Variants in SCRIB observed in about 807,000 individuals in gnomAD.
The protein encoded by SCRIB is scribble planar cell polarity protein.
In SCRIB, 72 loss-of-function variants were observed where a neutral mutation model predicts 170.0. The ratio of observed to expected loss-of-function variants is 0.42; its 90% CI spans 0.35 to 0.52. The LOEUF is 0.52. Ranked by LOEUF, SCRIB falls within the 20% of genes least tolerant of loss-of-function variation. The pLI is 0.02. For missense variants in SCRIB, 2,475 were observed against 2,338.5 expected, an observed-to-expected ratio of 1.06 and a Z score of -1.20; for synonymous variants, 1,298 against 1,044.3, an observed-to-expected ratio of 1.24 and a Z score of -4.68.
intron 24 of SCRIB, among the ~76,000 whole-genome samples, chr8:143,800,894 C>T (rs1815146516): frequency 6.6e-6 from 1 of 152,198 alleles, no homozygotes; most frequent in African/African-American, 2.4e-5. Context: ...CATACATACA[C>T]GTACGTGAAA....
chr8:143,806,603 G>T, intron 17 of SCRIB, 119 bp from the exon 18 acceptor site: 1 of 807,150 alleles, frequency 1.2e-6, no homozygotes. Context: ...CTGGCCAGCA[G>T]GAGGACTGAG....
chr8:143,795,142 G>A (rs569636999), intron 26 of SCRIB, 30 bp from the exon 27 acceptor site: 1 of 1,606,548 alleles, frequency 6.2e-7, no homozygotes, highest in Admixed American at 1.7e-5. Context: ...AGCACTAGCA[G>A]GGGTAGCTCC....
At position 143,810,913 on chromosome 8, in the gene SCRIB, G is replaced by A. The variant is rs759193863; in HGVS notation, c.1266C>T (p.Pro422=). ...CGGTTGCCAACAACCTACCGAGGCT[G>A]GGTGGGGGCTGCTGGGGCAGCAAGT... ...TCYLLPQQPP[P]SLEDAGQQGS... is the part of the protein sequence containing the mutation. The change falls in exon 11 of 37, where the codon CCC becomes CCT. Residue 422 remains proline (P), a synonymous_variant. Coordinates refer to ENST00000356994, the MANE Select transcript of SCRIB (RefSeq NM_182706.5). 1.2e-6 allele frequency: 2 copies of A among 1,611,578 alleles called. No homozygotes were observed. Among genetic ancestry groups the A allele is most frequent in the Admixed American group, 1.7e-5 (1 of 60,004 alleles).
chr8:143,793,369 G>A (rs1814798459), intron 28 of SCRIB: 1 of 362,980 alleles, frequency 2.8e-6, no homozygotes, highest in Non-Finnish European at 4.9e-6. Flanking sequence ...GGCGGCGGGG[G>A]CAGAGGAGAG....
intron 21 of SCRIB, 22 bp from the exon 22 acceptor site, chr8:143,804,178 AGGACAGGCCTC>A: frequency 6.4e-7 from 1 of 1,555,314 alleles, no homozygotes. Flanking sequence ...GGGCGGGACA[AGGACAGGCCTC>A]GGTCAGGACA....
rs868990245 is a variant in SCRIB, at chr8:143,803,980, G to A, written c.3121-40C>T. The stretch of plus-strand genomic sequence containing the variant: ...GGTGGCAGCTGGTGGCTGAGGCCGC[G>A]CTGACCTGCGCTGGTACCTGGGATG... On this transcript the variant is annotated intron_variant, in intron 22 of 36. Coordinates refer to ENST00000356994, the MANE Select transcript of SCRIB (RefSeq NM_182706.5). 57 of 1,569,948 alleles carry A rather than the reference G, an allele frequency of 3.6e-5. 1 individual carries two copies. In the Middle Eastern group the frequency reaches 3.4e-3, roughly 93 times the overall value.
At position 143,792,078 on chromosome 8, in the gene SCRIB, G is replaced by A; in HGVS notation, c.4570C>T (p.Gln1524Ter). 6.3e-7 allele frequency: 1 copy of A among 1,595,294 alleles called. No individual in the cohort carries two copies. Residue 1524 changes from glutamine (Q) to a stop codon, truncating the protein, a stop_gained, in exon 33 of 37, where the codon CAG becomes TAG. Transcript: ENST00000356994. LOFTEE classifies it high-confidence loss of function. Reference sequence around the variant, plus strand: ...GGCCCCCGCGTGCCCCGGCCTTCCTGGGACCTGCTGAGGACCATCTGTGCT... The same window carrying A: ...GGCCCCCGCGTGCCCCGGCCTTCCTAGGACCTGCTGAGGACCATCTGTGCT... ...LRAQMVLSRS[Q>*]EGRGTRGPLE...
At chr8:143,806,628 G>A (rs1292901473) in intron 17 of SCRIB, 144 bp from the exon 18 acceptor site, 3 of 700,388 alleles carry the variant, frequency 4.3e-6, no homozygotes, top group East Asian at 2.7e-5. Flanking sequence ...AGCCACTGTG[G>A]GATCCTGAGT....
chr8:143,813,156 C>T (rs754439034), intron 6 of SCRIB, 52 bp from the exon 7 acceptor site: 36 of 1,577,324 alleles, frequency 2.3e-5, no homozygotes, highest in Admixed American at 8.8e-5. Context: ...CCTCCTGCTG[C>T]GCCGTGCTCA....
chr8:143,804,189 C>A (rs782438693), intron 21 of SCRIB, 33 bp from the exon 22 acceptor site: 7 of 1,503,290 alleles, frequency 4.7e-6, no homozygotes, highest in Admixed American at 1.9e-5. Context: ...GGACAGGCCT[C>A]GGTCAGGACA....
intron 19 of SCRIB, 24 bp from the exon 20 acceptor site, chr8:143,805,038 A>C: frequency 6.3e-7 from 1 of 1,582,968 alleles, no homozygotes; most frequent in South Asian, 1.1e-5. Context: ...TGGAGGAGGC[A>C]GGGCTGCCGG....
chr8:143,804,066 G>A lies in SCRIB; in HGVS notation c.3100C>T (p.Pro1034Ser), dbSNP rs782460996. 10 of 1,611,358 alleles carry A rather than the reference G, an allele frequency of 6.2e-6. No individual in the cohort carries two copies. In the East Asian group the frequency reaches 8.9e-5, roughly 14 times the overall value. Reference sequence around the variant, plus strand: ...CCTACCTTGGAGATGAACACACCAGGCTCCTGGACACCAAACGGGTGGCTG... The same window carrying A: ...CCTACCTTGGAGATGAACACACCAGACTCCTGGACACCAAACGGGTGGCTG... ...HSSHPFGVQEPGVFISKVLPR... is the reference protein window; with the variant it reads ...HSSHPFGVQESGVFISKVLPR... The change falls in exon 22 of 37, where the codon CCT becomes TCT. Residue 1034 changes from proline to serine, a missense_variant. Around this residue, in one of 3 missense-constraint regions of SCRIB, gnomAD observed 1,966 missense variants for 1,742.9 expected, o/e 1.13. Transcript: ENST00000356994.
rs782284052 is a variant in SCRIB at position 143,803,376 on chromosome 8, C to T, written c.3603+7G>A. On this transcript the variant is annotated splice_region_variant and intron_variant, in intron 24 of 36. Coordinates refer to ENST00000356994, the MANE Select transcript of SCRIB (RefSeq NM_182706.5). ...GGAGGCCCGGTCCCCGGGGCGGGATCGCTAACCTCCAGGGCTGCGTCGGTG... is the reference window on the plus strand; with the variant it reads ...GGAGGCCCGGTCCCCGGGGCGGGATTGCTAACCTCCAGGGCTGCGTCGGTG... 37 of 1,556,932 alleles carry T rather than the reference C, an allele frequency of 2.4e-5. No individual in the cohort carries two copies. Among genetic ancestry groups the T allele is most frequent in the African/African-American group, 2.7e-5 (2 of 74,042 alleles).
intron 21 of SCRIB, 138 bp downstream of exon 21, chr8:143,804,430 A>T: frequency 1.1e-6 from 1 of 904,922 alleles, no homozygotes; most frequent in Non-Finnish European, 1.6e-6. Flanking sequence ...CCCAGCCTCA[A>T]GGAGCTGCAG....
Position 143,812,530 on chromosome 8 carries a change from G to GC in SCRIB, c.788-147dup, listed in dbSNP as rs772781160. The GC allele has an allele frequency of 3.8e-4, 228 of 599,910 alleles. No homozygotes were observed. The African/African-American group carries it at 8.4e-3, about 22-fold the overall frequency. The allele number at this position is 599,910 out of a possible 1,614,324, so 37.2% of individuals were successfully genotyped here. A position where few individuals can be genotyped will look rare whatever the true frequency, so the allele number is the denominator to read the frequency against. On this transcript the variant is annotated intron_variant, in intron 8 of 36. Coordinates refer to ENST00000356994, the MANE Select transcript of SCRIB (RefSeq NM_182706.5). ...ACTTCGGGAGGACCCTACCTACCTT[G>GC]CCCCACAAGCCTGACCCAACCTCCT...
chr8:143,810,387 C>T (rs1815651380), intron 13 of SCRIB, 92 bp downstream of exon 13: 1 of 1,526,610 alleles, frequency 6.6e-7, no homozygotes, highest in Non-Finnish European at 8.9e-7. Context: ...CTCTGTGCTG[C>T]CCTGGCCCTC....
In SCRIB at chr8:143,804,972, G is replaced by A. The variant is rs782225655; in HGVS notation, c.2713C>T (p.Arg905Cys). Residue 905 changes from arginine (R) to cysteine (C), a missense_variant, in exon 20 of 37, where the codon CGC becomes TGC. Physicochemically the swap from Arg to Cys is radical, Grantham distance 180. Coordinates refer to ENST00000356994, the MANE Select transcript of SCRIB (RefSeq NM_182706.5). Reference sequence around the variant, plus strand: ...TCGCCAACCTGCAGTGTGCCCGCGCGGTGAGCAGCACCGCCCTCGGCAATG... The same window carrying A: ...TCGCCAACCTGCAGTGTGCCCGCGCAGTGAGCAGCACCGCCCTCGGCAATG... ...SRIAEGGAAH[R>C]AGTLQVGDRV... 17 of 1,583,814 alleles carry A rather than the reference G, an allele frequency of 1.1e-5. No individual in the cohort carries two copies. The highest frequency in any genetic ancestry group is 5.3e-5 in the Admixed American group (3 of 57,072).
At chr8:143,794,660 C>G (rs150555516) in intron 27 of SCRIB, among the ~76,000 whole-genome samples, 1 of 152,176 alleles carries the variant, frequency 6.6e-6, no homozygotes, top group Non-Finnish European at 1.5e-5. Flanking sequence ...TCCAGCTGCT[C>G]CAGCCTGTCC....
Position 143,792,829 on chromosome 8 carries a change from C to T in SCRIB, c.4056G>A (p.Leu1352=). 11 of 1,544,318 alleles carry T rather than the reference C, an allele frequency of 7.1e-6. No individual in the cohort carries two copies. Among genetic ancestry groups the T allele is most frequent in the Non-Finnish European group, 9.6e-6 (11 of 1,147,236 alleles). Reference sequence around the variant, plus strand: ...AGTACTTCTGCCGCTCCCGGAAGGACAGCTGCTCCGGGGAGGCTGCAGGCC... The same window carrying T: ...AGTACTTCTGCCGCTCCCGGAAGGATAGCTGCTCCGGGGAGGCTGCAGGCC... The part of the protein sequence containing the change: ...TPGPAASPEQ[L]SFRERQKYFE... The change falls in exon 30 of 37, where the codon CTG becomes CTA. Residue 1352 remains leucine, a synonymous_variant. Coordinates refer to ENST00000356994, the MANE Select transcript of SCRIB (RefSeq NM_182706.5).
Sources: allele counts gnomAD v4.1 joint callset (sites outside exome capture counted in the v4.1 genomes callset), GRCh38; gene constraint gnomAD v4.1.1; regional missense constraint gnomAD v4.1.1; transcripts MANE v1.5; gene names NCBI Gene and HGNC (gene_info 2026-07-23, HGNC 2026-07-21).